DENND1A: variants seen among roughly 807,000 people sequenced by gnomAD.
DENND1A encodes DENN domain containing 1A, also known as DENN domain-containing protein 1A.
A neutral mutation model predicts 113.7 loss-of-function variants in DENND1A; 51 were observed. That is an observed-to-expected ratio of 0.45 (90% CI 0.36 to 0.57). The LOEUF is 0.57. Among genes scored for constraint, DENND1A ranks in the 20% least tolerant of loss-of-function variants. The probability of loss-of-function intolerance (pLI) is 0.00; values close to 1 mark genes in which losing one functional copy is unlikely to be tolerated. For synonymous variants in DENND1A, 565 were observed against 570.8 expected (o/e 0.99, Z 0.14); for missense variants, 1,258 against 1,395.9 (o/e 0.90, Z 1.57).
chr9:123,778,600 T>A (rs1013794070), intron 3 of DENND1A, among the ~76,000 whole-genome samples: 1 of 152,230 alleles, frequency 6.6e-6, no homozygotes, highest in Non-Finnish European at 1.5e-5. Flanking sequence ...GTAAATATTT[T>A]AGGCTTTGCG....
At chr9:123,675,320 A>G (rs948588420) in intron 6 of DENND1A, among the ~76,000 whole-genome samples, 2 of 152,314 alleles carry the variant, frequency 1.3e-5, no homozygotes, top group East Asian at 1.9e-4. Context: ...TCACAGAATT[A>G]AAGGGGTTTG....
At chr9:123,581,023 A>G (rs1024669131) in intron 12 of DENND1A, among the ~76,000 whole-genome samples, 3 of 151,908 alleles carry the variant, frequency 2.0e-5, no homozygotes, top group Admixed American at 2.0e-4. Context: ...GGGCTACAAC[A>G]CTAACTGTCA....
chr9:123,493,018 A>G (rs2051522225), intron 13 of DENND1A: 1 of 152,224 alleles, frequency 6.6e-6, no homozygotes, highest in African/African-American at 2.4e-5. Context: ...ACCCCTGCTG[A>G]GGCAGCTGAC....
rs200383049 is a variant in DENND1A, at chr9:123,436,811, G to A, written c.1488+3549C>T. 7.3e-5 allele frequency among the ~76,000 whole-genome samples: 11 copies of A among 151,416 alleles called. No individual in the cohort carries two copies. The East Asian group carries it at 7.7e-4, about 11-fold the overall frequency. On this transcript the variant is annotated intron_variant, in intron 19 of 23. Transcript: ENST00000394215. ...CACTCAGGCTGGAGTGCAGTGGTGC[G>A]ATCTCAGCTCACTGCAGCCTCTGCA... is the stretch of plus-strand genomic sequence containing the variant.
At chr9:123,617,581 C>A (rs941443449) in intron 10 of DENND1A, among the ~76,000 whole-genome samples, 2 of 152,198 alleles carry the variant, frequency 1.3e-5, no homozygotes, top group African/African-American at 4.8e-5. Context: ...GGACAAAATT[C>A]TGGAGAGGTC....
At chr9:123,470,021 AT>A (rs1394532410) in intron 13 of DENND1A, among the ~76,000 whole-genome samples, 2 of 152,238 alleles carry the variant, frequency 1.3e-5, no homozygotes, top group African/African-American at 4.8e-5. Flanking sequence ...CCTAGTAGCA[AT>A]TCAGACAGGG....
chr9:123,571,768 G>A (rs954399728), intron 12 of DENND1A, among the ~76,000 whole-genome samples: 4 of 152,208 alleles, frequency 2.6e-5, no homozygotes, highest in African/African-American at 9.7e-5. Flanking sequence ...AAACATTCAT[G>A]TACAAGCCTG....
At chr9:123,840,443 G>T (rs544994738) in intron 2 of DENND1A, among the ~76,000 whole-genome samples, 2 of 151,762 alleles carry the variant, frequency 1.3e-5, no homozygotes, top group East Asian at 3.9e-4. Context: ...ACTCCAATGA[G>T]GTCGTTAGAA....
intron 3 of DENND1A, among the ~76,000 whole-genome samples, chr9:123,785,587 ATAT>A (rs1481233728): frequency 6.6e-6 from 1 of 152,172 alleles, no homozygotes; most frequent in Non-Finnish European, 1.5e-5. Context: ...AAAGAAGCAG[ATAT>A]TTAAGCTGGG....
chr9:123,790,809 C>T (rs984744880), intron 3 of DENND1A, among the ~76,000 whole-genome samples: 2 of 152,136 alleles, frequency 1.3e-5, no homozygotes, highest in Non-Finnish European at 2.9e-5. Context: ...TATACGTACA[C>T]ATACACTCTC....
chr9:123,833,656 T>C (rs1840621662), intron 2 of DENND1A, among the ~76,000 whole-genome samples: 1 of 152,204 alleles, frequency 6.6e-6, no homozygotes. Flanking sequence ...GAAAAAGAAA[T>C]AGCCTATATA....
At chr9:123,637,913 ACACACACACACACACACACG>A (rs2061789993) in intron 9 of DENND1A, among the ~76,000 whole-genome samples, 1 of 35,624 alleles carries the variant, frequency 2.8e-5, no homozygotes, top group Non-Finnish European at 4.5e-5. Flanking sequence ...AGGAATAAAC[ACACACACACACACACACACG>A]CACACACACA....
chr9:123,623,563 A>T (rs968988411), intron 10 of DENND1A, among the ~76,000 whole-genome samples: 5 of 152,220 alleles, frequency 3.3e-5, no homozygotes, highest in African/African-American at 9.7e-5. Context: ...ACACAAAAAA[A>T]AATAATTTGA....
At chr9:123,494,129 C>T (rs910569258) in intron 13 of DENND1A, among the ~76,000 whole-genome samples, 1 of 152,210 alleles carries the variant, frequency 6.6e-6, no homozygotes, top group African/African-American at 2.4e-5. Flanking sequence ...ACAGCTGCTT[C>T]ACTGTCAGGC....
rs1002013992 is a variant in DENND1A at position 123,824,520 on chromosome 9, CT to C, written c.89-31891del. Among the ~76,000 whole-genome samples, 22 of 149,854 alleles carry C rather than the reference CT, an allele frequency of 1.5e-4. No individual in the cohort carries two copies. The South Asian group carries it at 1.9e-3, about 13-fold the overall frequency. ...TCACCAATGGACTACATACTGTTAA[CT>C]TTTTTTTTTCACCAATATATGTAAT... is the stretch of plus-strand genomic sequence containing the variant. On this transcript the variant is annotated intron_variant, in intron 2 of 23. Coordinates refer to ENST00000394215, the MANE Select transcript of DENND1A (RefSeq NM_001352964.2).
At chr9:123,487,664 T>C (rs1347712283) in intron 13 of DENND1A, among the ~76,000 whole-genome samples, 1 of 152,068 alleles carries the variant, frequency 6.6e-6, no homozygotes, top group Non-Finnish European at 1.5e-5. Flanking sequence ...TTTCCCAGTC[T>C]GGACAACAGA....
At chr9:123,580,736 T>A (rs2058848552) in intron 12 of DENND1A, among the ~76,000 whole-genome samples, 1 of 152,192 alleles carries the variant, frequency 6.6e-6, no homozygotes, top group African/African-American at 2.4e-5. Flanking sequence ...GAACTCAAAT[T>A]ATAGCTAGTA....
chr9:123,787,351 C>G (rs1465847499), intron 3 of DENND1A, among the ~76,000 whole-genome samples: 1 of 152,022 alleles, frequency 6.6e-6, no homozygotes, highest in African/African-American at 2.4e-5. Context: ...GTAAGTTTTA[C>G]AATAGAAATG....
chr9:123,702,986 T>G (rs1016260622), intron 5 of DENND1A, among the ~76,000 whole-genome samples: 1 of 152,178 alleles, frequency 6.6e-6, no homozygotes, highest in African/African-American at 2.4e-5. Context: ...ACTACAATGA[T>G]TTTCTTTTCT....
Sources: allele counts gnomAD v4.1 joint callset (sites outside exome capture counted in the v4.1 genomes callset), GRCh38; gene constraint gnomAD v4.1.1; transcripts MANE v1.5; gene names NCBI Gene and HGNC (gene_info 2026-07-23, HGNC 2026-07-21).